BST1: variants seen among roughly 807,000 people sequenced by gnomAD.
The protein encoded by BST1 is bone marrow stromal cell antigen 1, also known as ADP-ribosyl cyclase/cyclic ADP-ribose hydrolase 2.
Under a neutral mutation model 40.6 loss-of-function variants are expected in BST1, and 49 were observed. The ratio of observed to expected loss-of-function variants is 1.21; its 90% confidence interval spans 0.96 to 1.53. BST1 has a LOEUF of 1.53. Among genes scored for constraint, BST1 ranks in the 40% most tolerant of loss-of-function variants. BST1 has a pLI of 0.00. For missense variants in BST1, 423 were observed against 395.9 expected, an observed-to-expected ratio of 1.07 and a Z score of -0.58; for synonymous variants, 157 against 159.3, an observed-to-expected ratio of 0.99 and a Z score of 0.11.
intron 5 of BST1, 41 bp from the exon 6 acceptor site, chr4:15,715,666 A>T: frequency 7.4e-7 from 1 of 1,343,172 alleles, no homozygotes. Flanking sequence ...GAAATGGAAA[A>T]GATATCATAT....
chr4:15,712,606 A>G lies in BST1; in HGVS notation c.534+717A>G, dbSNP rs561189571. Among the ~76,000 whole-genome samples the G allele has an allele frequency of 6.6e-5, 10 of 152,224 alleles. No homozygotes were observed. In the South Asian group the frequency reaches 1.0e-3, roughly 16 times the overall value. ...CGCCAACCCCCTTTCAGGACTATCCATGTCTTTTTCAGTCCCATCTTCTAC... is the reference window on the plus strand; with the variant it reads ...CGCCAACCCCCTTTCAGGACTATCCGTGTCTTTTTCAGTCCCATCTTCTAC... On this transcript the variant is annotated intron_variant, in intron 4 of 8. Transcript: ENST00000265016.
chr4:15,771,182 AGTGTCTAGC>A, the BST1 span, among the ~76,000 whole-genome samples: 1 of 152,218 alleles, frequency 6.6e-6, no homozygotes, highest in African/African-American at 2.4e-5. Context: ...CCATATGTTG[AGTGTCTAGC>A]GTGTTCTAGG....
At chr4:15,728,496 G>C (rs1190832803) in intron 8 of BST1, among the ~76,000 whole-genome samples, 6 of 142,388 alleles carry the variant, frequency 4.2e-5, no homozygotes, top group African/African-American at 1.6e-4. Context: ...CTGTCACCCA[G>C]GCATGGAGTG....
At chr4:15,722,268 TG>T (rs1720848443) in intron 7 of BST1, among the ~76,000 whole-genome samples, 1 of 152,158 alleles carries the variant, frequency 6.6e-6, no homozygotes, top group Admixed American at 6.5e-5. Flanking sequence ...AGAACTTGGG[TG>T]GGTTATTGTG....
At chr4:15,719,549 A>C (rs889254851) in intron 7 of BST1, among the ~76,000 whole-genome samples, 1 of 152,048 alleles carries the variant, frequency 6.6e-6, no homozygotes, top group Non-Finnish European at 1.5e-5. Flanking sequence ...AGGTAGTTGC[A>C]AGCCATCTCT....
At chr4:15,717,105 C>A (rs1384377993) in intron 6 of BST1, among the ~76,000 whole-genome samples, 1 of 152,126 alleles carries the variant, frequency 6.6e-6, no homozygotes, top group Non-Finnish European at 1.5e-5. Flanking sequence ...ACAACACGTT[C>A]ACTTATCTCT....
At chr4:15,756,567 T>G in the BST1 span, among the ~76,000 whole-genome samples, 2 of 152,204 alleles carry the variant, frequency 1.3e-5, no homozygotes, top group South Asian at 4.1e-4. Context: ...GAGAAACATT[T>G]TGACATAGGA....
chr4:15,771,630 G>C, the BST1 span, among the ~76,000 whole-genome samples: 2 of 152,226 alleles, frequency 1.3e-5, no homozygotes, highest in Non-Finnish European at 2.9e-5. Context: ...AACTGTGTGA[G>C]TGTGGAAAAA....
downstream of BST1, among the ~76,000 whole-genome samples, chr4:15,741,286 G>A (rs1420092876): frequency 2.0e-5 from 3 of 152,076 alleles, no homozygotes; most frequent in African/African-American, 7.2e-5. Context: ...CACCATACTT[G>A]GAGTAGAGTA....
At position 15,703,342 on chromosome 4, in the gene BST1, T is replaced by TCGGC; in HGVS notation, c.188+14_188+17dup. ...TGAGTCCCGAGCAGCGGTGAGGCAG[T>TCGGC]CGGCCGGGTGGAAGGGGAGCCGGAA... On this transcript the variant is annotated intron_variant, in intron 1 of 8. Coordinates refer to ENST00000265016, the MANE Select transcript of BST1 (RefSeq NM_004334.3). The TCGGC allele has an allele frequency of 6.7e-7, 1 of 1,483,248 alleles. No homozygotes were observed. Among genetic ancestry groups the TCGGC allele is most frequent in the Non-Finnish European group, 8.9e-7 (1 of 1,127,236 alleles). 91.9% of individuals were successfully genotyped at this position (1,483,248 alleles called of 1,614,324 possible).
At chr4:15,721,824 G>T (rs527527111) in intron 7 of BST1, among the ~76,000 whole-genome samples, 18 of 152,230 alleles carry the variant, frequency 1.2e-4, no homozygotes, top group Non-Finnish European at 2.1e-4. Flanking sequence ...ATAAAAATAT[G>T]TGCATCAAGT....
At chr4:15,708,894 G>A (rs138232510) in intron 3 of BST1, among the ~76,000 whole-genome samples, 6 of 152,142 alleles carry the variant, frequency 3.9e-5, no homozygotes, top group Admixed American at 2.0e-4. Flanking sequence ...AAAAAAAAGA[G>A]TTAACCTAAT....
At chr4:15,738,940 A>C (rs1422680932), downstream of BST1, among the ~76,000 whole-genome samples, 1 of 152,232 alleles carries the variant, frequency 6.6e-6, no homozygotes, top group African/African-American at 2.4e-5. Context: ...GCTCATTTCC[A>C]TTTCAGTCTT....
In BST1 at chr4:15,703,350, G is replaced by C; in HGVS notation, c.188+18G>C. Reference sequence around the variant, plus strand: ...GAGCAGCGGTGAGGCAGTCGGCCGGGTGGAAGGGGAGCCGGAAAGAGGCAA... The same window carrying C: ...GAGCAGCGGTGAGGCAGTCGGCCGGCTGGAAGGGGAGCCGGAAAGAGGCAA... On this transcript the variant is annotated intron_variant, in intron 1 of 8. Transcript: ENST00000265016. 1 of 1,492,586 alleles carries C rather than the reference G, an allele frequency of 6.7e-7. No homozygotes were observed. The highest frequency in any genetic ancestry group is 8.8e-7 in the Non-Finnish European group (1 of 1,131,458). 92.5% of individuals were successfully genotyped at this position (1,492,586 alleles called of 1,614,324 possible).
intron 1 of BST1, 136 bp downstream of exon 1, chr4:15,703,468 G>C: frequency 7.2e-7 from 1 of 1,387,702 alleles, no homozygotes; most frequent in South Asian, 1.5e-5. Flanking sequence ...TGAGTGTGGA[G>C]ACAGCGATGG....
intron 1 of BST1, among the ~76,000 whole-genome samples, chr4:15,703,922 G>A (rs1311869385): frequency 1.4e-5 from 2 of 147,870 alleles, no homozygotes; most frequent in African/African-American, 2.5e-5. Flanking sequence ...GGTGAGGGGT[G>A]TGTGTATTCT....
At chr4:15,738,687 G>C (rs559328568), downstream of BST1, among the ~76,000 whole-genome samples, 1 of 152,194 alleles carries the variant, frequency 6.6e-6, no homozygotes, top group African/African-American at 2.4e-5. Flanking sequence ...TGTTACAGAC[G>C]GAACTGTGTT....
the BST1 span, among the ~76,000 whole-genome samples, chr4:15,744,314 G>C: frequency 6.6e-6 from 1 of 152,080 alleles, no homozygotes; most frequent in Non-Finnish European, 1.5e-5. Context: ...CACGTGGTTG[G>C]GGAGGCCTCA....
intron 8 of BST1, chr4:15,731,340 T>C (rs1026043333): frequency 2.0e-5 from 10 of 501,426 alleles, no homozygotes; most frequent in Non-Finnish European, 3.3e-5. Flanking sequence ...CAGTTTCTTA[T>C]TCTTGTTGAG....
Sources: allele counts gnomAD v4.1 joint callset (sites outside exome capture counted in the v4.1 genomes callset), GRCh38; gene constraint gnomAD v4.1.1; transcripts MANE v1.5; gene names NCBI Gene and HGNC (gene_info 2026-07-23, HGNC 2026-07-21).